LEPR: variants seen among roughly 807,000 people sequenced by gnomAD.
LEPR encodes leptin receptor, also known as OB receptor.
Under a neutral mutation model 114.7 loss-of-function variants are expected in LEPR, and 56 were observed. The observed-to-expected ratio is 0.49, with a 90% confidence interval of 0.39 to 0.61. The LOEUF is 0.61. Ranked by LOEUF, LEPR falls within the 20% of genes least tolerant of loss-of-function variation. The pLI is 0.00. For missense variants in LEPR, 1,202 were observed against 1,352.9 expected, an observed-to-expected ratio of 0.89 and a Z score of 1.75; for synonymous variants, 443 against 461.4, an observed-to-expected ratio of 0.96 and a Z score of 0.51.
intron 2 of LEPR, among the ~76,000 whole-genome samples, chr1:65,517,275 G>A (rs926508687): frequency 2.0e-5 from 3 of 152,228 alleles, no homozygotes; most frequent in Non-Finnish European, 4.4e-5. Flanking sequence ...CAGAGCAAAT[G>A]CACCATAAGC....
At chr1:65,460,199 AT>A (rs1646927371) in intron 2 of LEPR, among the ~76,000 whole-genome samples, 1 of 152,186 alleles carries the variant, frequency 6.6e-6, no homozygotes. Context: ...TAGTTGTTGA[AT>A]GAATGAGTGA....
At chr1:65,468,557 C>T (rs1647044147) in intron 2 of LEPR, among the ~76,000 whole-genome samples, 1 of 152,082 alleles carries the variant, frequency 6.6e-6, no homozygotes, top group Admixed American at 6.5e-5. Flanking sequence ...AGGCAAAATC[C>T]ACAGAGGACT....
chr1:65,581,918 C>T (rs1005120632), intron 5 of LEPR, among the ~76,000 whole-genome samples: 1 of 152,202 alleles, frequency 6.6e-6, no homozygotes, highest in African/African-American at 2.4e-5. Flanking sequence ...CCACTGTTCT[C>T]CAGTTTCCAA....
At chr1:65,435,507 A>G (rs1458219874) in intron 2 of LEPR, 1 of 383,212 alleles carries the variant, frequency 2.6e-6, no homozygotes, top group Non-Finnish European at 3.6e-6. Context: ...AGCTGGGACT[A>G]CAGGCTCCCG....
chr1:65,628,873 G>A (rs1658365381), intron 19 of LEPR, among the ~76,000 whole-genome samples: 1 of 152,044 alleles, frequency 6.6e-6, no homozygotes, highest in African/African-American at 2.4e-5. Flanking sequence ...AAATATTTGA[G>A]TTTGGAAGAC....
chr1:65,598,879 C>T, intron 8 of LEPR, 75 bp downstream of exon 8: 1 of 1,601,198 alleles, frequency 6.2e-7, no homozygotes. Context: ...GTATAAGCAT[C>T]TTACATTTTG....
chr1:65,519,290 C>T (rs775889374), intron 2 of LEPR, among the ~76,000 whole-genome samples: 5 of 151,918 alleles, frequency 3.3e-5, no homozygotes, highest in Non-Finnish European at 4.4e-5. Context: ...GCTGGGACTA[C>T]AGGTGCACAC....
chr1:65,598,107 T>TTTG, intron 7 of LEPR, among the ~76,000 whole-genome samples: 1 of 146,524 alleles, frequency 6.8e-6, no homozygotes, highest in East Asian at 2.0e-4. Flanking sequence ...TTTTTTTTTT[T>TTTG]TTTTTTTTAA....
chr1:65,453,800 G>T (rs1056833983), intron 2 of LEPR, among the ~76,000 whole-genome samples: 8 of 152,012 alleles, frequency 5.3e-5, no homozygotes, highest in African/African-American at 1.9e-4. Context: ...TATTAGGTCC[G>T]CTTGGTGCAG....
At chr1:65,550,521 C>T (rs1652228215) in intron 2 of LEPR, among the ~76,000 whole-genome samples, 1 of 152,208 alleles carries the variant, frequency 6.6e-6, no homozygotes, top group African/African-American at 2.4e-5. Flanking sequence ...TGGGCCATGG[C>T]GGGTGCCCCT....
chr1:65,442,790 A>C (rs9436746), intron 2 of LEPR, among the ~76,000 whole-genome samples: 75,915 of 151,958 alleles, frequency 0.5, 19,929 homozygotes, highest in Non-Finnish European at 0.59. Flanking sequence ...TACAAAGATC[A>C]AATAACAGTG....
At chr1:65,462,920 A>T (rs1052521900) in intron 2 of LEPR, among the ~76,000 whole-genome samples, 1 of 152,158 alleles carries the variant, frequency 6.6e-6, no homozygotes, top group African/African-American at 2.4e-5. Flanking sequence ...GGTAGATTGC[A>T]AAGATTTTCT....
chr1:65,627,490 G>A (rs1274563453), intron 19 of LEPR, among the ~76,000 whole-genome samples: 1 of 152,034 alleles, frequency 6.6e-6, no homozygotes, highest in Non-Finnish European at 1.5e-5. Context: ...AGAGAAATTA[G>A]AATTATCATA....
chr1:65,548,762 A>G (rs1381049225), intron 2 of LEPR, among the ~76,000 whole-genome samples: 2 of 151,718 alleles, frequency 1.3e-5, no homozygotes, highest in Admixed American at 6.6e-5. Flanking sequence ...CTCTTTATCC[A>G]ATTTTCCAGT....
intron 2 of LEPR, among the ~76,000 whole-genome samples, chr1:65,458,804 G>A (rs1236854416): frequency 2.0e-5 from 3 of 151,792 alleles, no homozygotes; most frequent in African/African-American, 7.3e-5. Context: ...TCCTCCTTTT[G>A]TTAGTCCCAT....
intron 2 of LEPR, among the ~76,000 whole-genome samples, chr1:65,525,236 C>T (rs1463473416): frequency 7.1e-6 from 1 of 141,452 alleles, no homozygotes; most frequent in African/African-American, 2.5e-5. Context: ...TTAATTGTAG[C>T]ATTTTACACA....
chr1:65,525,847 C>G lies in LEPR; in HGVS notation c.-20-39699C>G, dbSNP rs72681369. The stretch of plus-strand genomic sequence containing the variant: ...GGACCTGCTTCCCTCTCCGACACCC[C>G]CTATTGCCACCTCTTCCCGCTCTGG... On this transcript the variant is annotated intron_variant, in intron 2 of 19. Transcript: ENST00000349533. The G allele has an allele frequency of 4.5e-4, 442 of 982,762 alleles. 3 individuals carry two copies. Among genetic ancestry groups the G allele is most frequent in the Admixed American group, 4.9e-4 (8 of 16,284 alleles). The allele number at this position is 982,762 out of a possible 1,614,324, so 60.9% of individuals were successfully genotyped here.
chr1:65,449,429 C>T (rs1646753594), intron 2 of LEPR, among the ~76,000 whole-genome samples: 1 of 152,104 alleles, frequency 6.6e-6, no homozygotes, highest in Admixed American at 6.5e-5. Flanking sequence ...GCACAGCTGC[C>T]TCCCTCTCGG....
At position 65,570,612 on chromosome 1, in the gene LEPR, G is replaced by A. The variant is rs376850470; in HGVS notation, c.180G>A (p.Ser60=). Residue 60 remains serine (S), a synonymous_variant, in exon 4 of 20, where the codon TCG becomes TCA. Transcript: ENST00000349533. ...GACTCTCAAAGAATACTTCAAATTCGAATGGACATTATGAGACAGCTGTTG... is the reference window on the plus strand; with the variant it reads ...GACTCTCAAAGAATACTTCAAATTCAAATGGACATTATGAGACAGCTGTTG... ...PAGLSKNTSN[S]NGHYETAVEP... 3.7e-5 allele frequency: 59 copies of A among 1,613,898 alleles called. No individual in the cohort carries two copies. The African/African-American group carries it at 6.8e-4, about 19-fold the overall frequency.
Sources: allele counts gnomAD v4.1 joint callset (sites outside exome capture counted in the v4.1 genomes callset), GRCh38; gene constraint gnomAD v4.1.1; transcripts MANE v1.5; gene names NCBI Gene and HGNC (gene_info 2026-07-23, HGNC 2026-07-21).